Variants in CCDC91 observed in about 807,000 individuals in gnomAD.
CCDC91 encodes the protein coiled-coil domain-containing protein 91.
Under a neutral mutation model 63.2 loss-of-function variants are expected in CCDC91, and 48 were observed. That is an observed-to-expected ratio of 0.76 (90% CI 0.60 to 0.97). The LOEUF (loss-of-function observed/expected upper bound fraction) is 0.97. CCDC91 is among the 50% of genes least tolerant of loss of function. The pLI is 0.00. For missense variants in CCDC91, 500 were observed against 494.6 expected, an observed-to-expected ratio of 1.01 and a Z score of -0.10; for synonymous variants, 167 against 165.8, an observed-to-expected ratio of 1.01 and a Z score of -0.06.
At chr12:28,216,274 T>C (rs995534445) in intron 1 of CCDC91, among the ~76,000 whole-genome samples, 12 of 152,124 alleles carry the variant, frequency 7.9e-5, no homozygotes, top group African/African-American at 2.7e-4. Flanking sequence ...TAGAATCCTT[T>C]CTCTGTGTTT....
chr12:28,447,243 A>T (rs1949547593), intron 8 of CCDC91, among the ~76,000 whole-genome samples: 1 of 152,144 alleles, frequency 6.6e-6, no homozygotes, highest in East Asian at 1.9e-4. Context: ...TAAAATATAT[A>T]TTAAATTTAA....
intron 6 of CCDC91, among the ~76,000 whole-genome samples, chr12:28,356,254 C>A (rs965895271): frequency 2.6e-5 from 4 of 152,072 alleles, no homozygotes. Flanking sequence ...GATTATGGCT[C>A]CTTTAGGAAA....
At chr12:28,284,402 C>T (rs909714186) in intron 3 of CCDC91, among the ~76,000 whole-genome samples, 4 of 152,024 alleles carry the variant, frequency 2.6e-5, no homozygotes, top group South Asian at 4.1e-4. Context: ...CCTGTAATCC[C>T]GGCACTTTGG....
chr12:28,407,747 G>C (rs1487055121), intron 8 of CCDC91, among the ~76,000 whole-genome samples: 1 of 151,810 alleles, frequency 6.6e-6, no homozygotes, highest in Non-Finnish European at 1.5e-5. Flanking sequence ...CATTTATTTA[G>C]GTCTTCCTTA....
intron 6 of CCDC91, among the ~76,000 whole-genome samples, chr12:28,332,721 A>G (rs1407393195): frequency 6.6e-6 from 1 of 152,114 alleles, no homozygotes; most frequent in African/African-American, 2.4e-5. Context: ...TTCCTCACTC[A>G]TCAGTATACA....
At chr12:28,380,197 A>C (rs1267153687) in intron 7 of CCDC91, among the ~76,000 whole-genome samples, 1 of 152,106 alleles carries the variant, frequency 6.6e-6, no homozygotes, top group Non-Finnish European at 1.5e-5. Flanking sequence ...TGGGGTAGGG[A>C]TAGCATTAGG....
intron 6 of CCDC91, among the ~76,000 whole-genome samples, chr12:28,346,694 C>A (rs979050664): frequency 6.6e-6 from 1 of 152,136 alleles, no homozygotes; most frequent in African/African-American, 2.4e-5. Flanking sequence ...CTTCCATGTG[C>A]TCCCTGGGAT....
intron 12 of CCDC91, among the ~76,000 whole-genome samples, chr12:28,498,363 T>C (rs555063923): frequency 1.3e-5 from 2 of 151,608 alleles, no homozygotes; most frequent in Non-Finnish European, 3.0e-5. Flanking sequence ...AGGCATGTTC[T>C]TCTCATGTCA....
chr12:28,401,285 C>G (rs762944440), intron 8 of CCDC91, among the ~76,000 whole-genome samples: 1 of 152,080 alleles, frequency 6.6e-6, no homozygotes, highest in Non-Finnish European at 1.5e-5. Context: ...TGTCCTTCCT[C>G]ACATGACAGC....
intron 7 of CCDC91, among the ~76,000 whole-genome samples, chr12:28,389,056 G>C (rs1307188771): frequency 6.6e-6 from 1 of 152,170 alleles, no homozygotes; most frequent in Non-Finnish European, 1.5e-5. Flanking sequence ...AGTCAGCAGA[G>C]TAAACAGACG....
Position 28,194,728 on chromosome 12 carries a change from C to T in CCDC91, c.-15+4087C>T, listed in dbSNP as rs115269485. Among the ~76,000 whole-genome samples the T allele has an allele frequency of 2.4e-3, 360 of 151,038 alleles. 2 individuals carry two copies. The highest frequency in any genetic ancestry group is 8.3e-3 in the African/African-American group (340 of 41,068). ...TGAGTGTTACAGCTCATAGAGGTGGCGTGTCCTGAGTTGTTTGTTCCTCCC... is the reference window on the plus strand; with the variant it reads ...TGAGTGTTACAGCTCATAGAGGTGGTGTGTCCTGAGTTGTTTGTTCCTCCC... On this transcript the variant is annotated intron_variant, in intron 1 of 12. Transcript: ENST00000536442.
chr12:28,411,296 G>A (rs867300013), intron 8 of CCDC91, among the ~76,000 whole-genome samples: 1 of 151,372 alleles, frequency 6.6e-6, no homozygotes, highest in Non-Finnish European at 1.5e-5. Context: ...TAGCAGTTTT[G>A]TGTTTTTAAA....
Position 28,438,604 on chromosome 12 carries a change from G to T in CCDC91, c.763-11557G>T, listed in dbSNP as rs545356510. Among the ~76,000 whole-genome samples, 28 of 152,098 alleles carry T rather than the reference G, an allele frequency of 1.8e-4. 1 individual carries two copies. Among genetic ancestry groups the T allele is most frequent in the Non-Finnish European group, 3.7e-4 (25 of 67,998 alleles). On this transcript the variant is annotated intron_variant, in intron 8 of 12. Transcript: ENST00000536442. ...CATTATTTATTTCAAATGCCCATTTGAAGGCAACTGTTAGGTTGAAATAAG... is the reference window on the plus strand; with the variant it reads ...CATTATTTATTTCAAATGCCCATTTTAAGGCAACTGTTAGGTTGAAATAAG...
intron 7 of CCDC91, among the ~76,000 whole-genome samples, chr12:28,367,078 A>G (rs1565866646): frequency 6.6e-6 from 1 of 152,202 alleles, no homozygotes; most frequent in South Asian, 2.1e-4. Flanking sequence ...TAATACTCAT[A>G]TCAGGAACCA....
chr12:28,301,716 C>A (rs1938099993), intron 3 of CCDC91, among the ~76,000 whole-genome samples: 2 of 150,762 alleles, frequency 1.3e-5, no homozygotes, highest in Non-Finnish European at 1.5e-5. Flanking sequence ...GGGTAGTTGC[C>A]TATTTTTTTC....
At chr12:28,433,951 G>T (rs1361745439) in intron 8 of CCDC91, among the ~76,000 whole-genome samples, 2 of 151,800 alleles carry the variant, frequency 1.3e-5, no homozygotes, top group South Asian at 2.1e-4. Flanking sequence ...CTTTGTTGGA[G>T]ACTAGTGTAA....
chr12:28,527,491 G>A (rs573304159), intron 12 of CCDC91, among the ~76,000 whole-genome samples: 1 of 152,338 alleles, frequency 6.6e-6, no homozygotes, highest in South Asian at 2.1e-4. Context: ...ACGAGCACCT[G>A]CTCGGGTGGC....
chr12:28,370,454 T>G (rs1944546601), intron 7 of CCDC91, among the ~76,000 whole-genome samples: 1 of 152,196 alleles, frequency 6.6e-6, no homozygotes, highest in African/African-American at 2.4e-5. Flanking sequence ...CAGCGTGGGC[T>G]TCATTGTCCA....
chr12:28,517,940 T>G (rs114761249), intron 12 of CCDC91, among the ~76,000 whole-genome samples: 3,281 of 152,096 alleles, frequency 0.022, 56 homozygotes, highest in African/African-American at 0.044. Flanking sequence ...TCTGGTCCGA[T>G]TCAGATTGCT....
Sources: allele counts gnomAD v4.1 joint callset (sites outside exome capture counted in the v4.1 genomes callset), GRCh38; gene constraint gnomAD v4.1.1; transcripts MANE v1.5; gene names NCBI Gene and HGNC (gene_info 2026-07-23, HGNC 2026-07-21).